The following RAB27B variants were observed in gnomAD, a reference collection of about 807,000 sequenced individuals.
RAB27B encodes the protein ras-related protein Rab-27B.
Under a neutral mutation model 24.6 loss-of-function variants are expected in RAB27B, and 15 were observed. The observed-to-expected ratio is 0.61, with a 90% CI of 0.41 to 0.94. The LOEUF (loss-of-function observed/expected upper bound fraction) is 0.94, where lower values mean the gene tolerates loss of function less well. Ranked by LOEUF, RAB27B falls within the 40% of genes least tolerant of loss-of-function variation. RAB27B has a pLI of 0.00. For synonymous variants in RAB27B, 105 were observed against 92.5 expected (o/e 1.14, Z -0.78); for missense variants, 261 against 266.8 (o/e 0.98, Z 0.15).
At chr18:54,767,639 T>A (rs1422910803) in intron 2 of RAB27B, among the ~76,000 whole-genome samples, 4 of 152,204 alleles carry the variant, frequency 2.6e-5, no homozygotes, top group Non-Finnish European at 5.9e-5. Context: ...TTGATTATCT[T>A]CAGTGTTTAT....
rs1420279577 is a variant in RAB27B at position 54,893,104 on chromosome 18, GTGGT to G, written c.*3692_*3695del. The G allele has an allele frequency of 6.6e-6, 1 of 152,072 alleles. No homozygotes were observed. 9.4% of individuals were successfully genotyped at this position (152,072 alleles called of 1,614,324 possible). A position where few individuals can be genotyped will look rare whatever the true frequency, so the allele number is the denominator to read the frequency against. On this transcript the variant is annotated 3_prime_UTR_variant, in exon 6 of 6. Transcript: ENST00000262094. ...GAAGCAATATTGTGCAACTGGTGCA[GTGGT>G]GAGTTAATCATAGTGTATAACCTTG...
chr18:54,879,299 G>A (rs1568112870), intron 2 of RAB27B, 70 bp from the exon 3 acceptor site: 4 of 1,161,750 alleles, frequency 3.4e-6, no homozygotes, highest in East Asian at 2.3e-5. Flanking sequence ...AACATGCTGA[G>A]TGAACCCAAA....
At chr18:54,834,673 G>GTATA (rs371155382) in intron 1 of RAB27B, among the ~76,000 whole-genome samples, 20 of 141,862 alleles carry the variant, frequency 1.4e-4, no homozygotes, top group South Asian at 4.4e-4. Flanking sequence ...GTGCATAAGT[G>GTATA]TATATATATG....
chr18:54,887,373 T>C (rs1913187843), intron 4 of RAB27B, among the ~76,000 whole-genome samples: 1 of 152,052 alleles, frequency 6.6e-6, no homozygotes, highest in African/African-American at 2.4e-5. Context: ...ATTCCGTATT[T>C]ACTGAATACT....
At chr18:54,884,821 C>T (rs966573691) in intron 4 of RAB27B, among the ~76,000 whole-genome samples, 26 of 152,034 alleles carry the variant, frequency 1.7e-4, no homozygotes, top group African/African-American at 6.3e-4. Flanking sequence ...GGAAAATCGG[C>T]AGTATTTTCT....
At chr18:54,877,984 C>T (rs1484488469) in intron 2 of RAB27B, among the ~76,000 whole-genome samples, 1 of 152,136 alleles carries the variant, frequency 6.6e-6, no homozygotes, top group African/African-American at 2.4e-5. Context: ...CAATATTTTA[C>T]TGATTTGCAT....
At chr18:54,814,006 T>G (rs1910046710) in intron 2 of RAB27B, among the ~76,000 whole-genome samples, 1 of 152,222 alleles carries the variant, frequency 6.6e-6, no homozygotes, top group African/African-American at 2.4e-5. Flanking sequence ...CAACAAAAAT[T>G]GACTTTCCCT....
At chr18:54,719,989 A>G (rs576226827) in intron 2 of RAB27B, among the ~76,000 whole-genome samples, 22 of 152,214 alleles carry the variant, frequency 1.4e-4, no homozygotes, top group African/African-American at 5.3e-4. Flanking sequence ...GATAGGGGAA[A>G]AAGTCCCAAG....
chr18:54,756,990 G>C (rs1908025517), intron 2 of RAB27B, among the ~76,000 whole-genome samples: 1 of 152,146 alleles, frequency 6.6e-6, no homozygotes, highest in African/African-American at 2.4e-5. Flanking sequence ...GGTTCAGATA[G>C]TATGACACCT....
In RAB27B at chr18:54,894,151, TCAA is replaced by T. The variant is rs548968793; in HGVS notation, c.*4741_*4743del. ...ATGCTTTCCTGCAGAGTTCTTTGTA[TCAA>T]CAGCCTATGGTTGAGATGTTTTCTC... is the stretch of plus-strand genomic sequence containing the variant. On this transcript the variant is annotated 3_prime_UTR_variant, in exon 6 of 6. Transcript: ENST00000262094. 1.2e-4 allele frequency: 19 copies of T among 152,116 alleles called. No homozygotes were observed. In the South Asian group the frequency reaches 3.3e-3, roughly 27 times the overall value. 9.4% of individuals were successfully genotyped at this position (152,116 alleles called of 1,614,324 possible). A position where few individuals can be genotyped will look rare whatever the true frequency, so the allele number is the denominator to read the frequency against.
intron 2 of RAB27B, among the ~76,000 whole-genome samples, chr18:54,749,161 C>T (rs1225242192): frequency 2.6e-5 from 4 of 151,998 alleles, no homozygotes; most frequent in Non-Finnish European, 5.9e-5. Flanking sequence ...AGGGAAGGGG[C>T]CTTAAGACAA....
intron 2 of RAB27B, among the ~76,000 whole-genome samples, chr18:54,788,437 G>A (rs1216543712): frequency 6.6e-6 from 1 of 152,088 alleles, no homozygotes; most frequent in Non-Finnish European, 1.5e-5. Flanking sequence ...TGAATAGCTG[G>A]GATTACAGGT....
At chr18:54,819,207 T>C (rs1392539974) in intron 2 of RAB27B, among the ~76,000 whole-genome samples, 1 of 147,938 alleles carries the variant, frequency 6.8e-6, no homozygotes, top group Non-Finnish European at 1.5e-5. Flanking sequence ...TATTATATAA[T>C]TATAATTCTA....
chr18:54,762,379 G>A (rs1388746190), intron 2 of RAB27B, among the ~76,000 whole-genome samples: 5 of 152,060 alleles, frequency 3.3e-5, no homozygotes, highest in African/African-American at 9.7e-5. Flanking sequence ...TAGTAGAGAC[G>A]AGGTTTCACC....
At position 54,889,685 on chromosome 18, in the gene RAB27B, G is replaced by A. The variant is rs1432455119; in HGVS notation, c.*272G>A. Reference sequence around the variant, plus strand: ...TTGTTTTTTCTTATAGAGAAAATGAGTATATAAGACAATATACAAGAAGAA... The same window carrying A: ...TTGTTTTTTCTTATAGAGAAAATGAATATATAAGACAATATACAAGAAGAA... On this transcript the variant is annotated 3_prime_UTR_variant, in exon 6 of 6. Transcript: ENST00000262094. The A allele has an allele frequency of 1.8e-5, 5 of 283,570 alleles. No individual in the cohort carries two copies. The East Asian group carries it at 3.2e-4, about 18-fold the overall frequency. 17.6% of individuals were successfully genotyped at this position (283,570 alleles called of 1,614,324 possible).
intron 1 of RAB27B, among the ~76,000 whole-genome samples, chr18:54,871,732 C>G (rs1912472845): frequency 6.6e-6 from 1 of 151,730 alleles, no homozygotes; most frequent in East Asian, 1.9e-4. Flanking sequence ...CACCTTTAGT[C>G]CCAGCTACTT....
chr18:54,844,275 G>A (rs922344933), intron 1 of RAB27B, among the ~76,000 whole-genome samples: 2 of 152,092 alleles, frequency 1.3e-5, no homozygotes, highest in Admixed American at 1.3e-4. Context: ...TGGAAGATCT[G>A]TGAGGGTTAA....
intron 2 of RAB27B, among the ~76,000 whole-genome samples, chr18:54,725,567 G>C (rs1194845903): frequency 6.6e-6 from 1 of 151,582 alleles, no homozygotes; most frequent in African/African-American, 2.4e-5. Flanking sequence ...AAGGAAAGAG[G>C]TTTAATTGCC....
intron 1 of RAB27B, among the ~76,000 whole-genome samples, chr18:54,865,525 C>A (rs1050061359): frequency 1.3e-5 from 2 of 152,064 alleles, no homozygotes; most frequent in African/African-American, 4.8e-5. Flanking sequence ...AAGAGTTATT[C>A]TTCTTTTGGC....
Sources: gnomAD v4.1 joint callset for allele counts (sites outside exome capture counted in the v4.1 genomes callset) on GRCh38, gnomAD v4.1.1 for gene constraint, MANE v1.5 for transcripts, NCBI Gene and HGNC (gene_info 2026-07-23, HGNC 2026-07-21) for gene names.